Variants in ZFYVE1 observed in about 807,000 individuals in gnomAD.
ZFYVE1 encodes the protein zinc finger FYVE domain-containing protein 1.
ZFYVE1 carries 30 observed loss-of-function variants against 74.4 expected under a neutral mutation model. That is an observed-to-expected ratio of 0.40 (90% CI 0.30 to 0.55). The LOEUF (loss-of-function observed/expected upper bound fraction) is 0.55. Among genes scored for constraint, ZFYVE1 ranks in the 20% least tolerant of loss-of-function variants. The probability of loss-of-function intolerance (pLI) is 0.42; values close to 1 mark genes in which losing one functional copy is unlikely to be tolerated. For synonymous variants in ZFYVE1, 335 were observed against 385.1 expected, an observed-to-expected ratio of 0.87 and a Z score of 1.52; for missense variants, 703 against 1,011.6, an observed-to-expected ratio of 0.69 and a Z score of 4.14.
At chr14:72,977,827 C>A in intron 8 of ZFYVE1, 100 bp downstream of exon 8, 3 of 1,267,742 alleles carry the variant, frequency 2.4e-6, no homozygotes, top group Non-Finnish European at 3.3e-6. Flanking sequence ...TTCTGAAATT[C>A]ATGGTTAACC....
intron 11 of ZFYVE1, among the ~76,000 whole-genome samples, chr14:72,971,361 G>T (rs1239008285): frequency 2.0e-5 from 3 of 152,140 alleles, no homozygotes; most frequent in Admixed American, 6.5e-5. Flanking sequence ...TTTGGAGTCA[G>T]AGTCTCATTC....
At chr14:72,971,955 C>T (rs1893044271) in intron 11 of ZFYVE1, among the ~76,000 whole-genome samples, 1 of 152,282 alleles carries the variant, frequency 6.6e-6, no homozygotes, top group Admixed American at 6.5e-5. Flanking sequence ...GGCATGGTGG[C>T]TCACACCTAT....
At chr14:73,000,073 G>GATAAA (rs1337574563) in intron 2 of ZFYVE1, among the ~76,000 whole-genome samples, 2 of 151,270 alleles carry the variant, frequency 1.3e-5, no homozygotes, top group African/African-American at 4.9e-5. Flanking sequence ...AATAAAATAA[G>GATAAA]ATAAAATAAA....
intron 2 of ZFYVE1, among the ~76,000 whole-genome samples, chr14:73,009,047 C>A (rs4903091): frequency 6.6e-6 from 1 of 152,038 alleles, no homozygotes; most frequent in East Asian, 1.9e-4. Flanking sequence ...TGTTCACTAC[C>A]GTAACCTTAG....
intron 2 of ZFYVE1, among the ~76,000 whole-genome samples, chr14:73,006,194 T>C (rs952479130): frequency 6.6e-6 from 1 of 151,896 alleles, no homozygotes; most frequent in African/African-American, 2.4e-5. Context: ...CCTGGGATTG[T>C]AGGCGTGAGC....
intron 2 of ZFYVE1, among the ~76,000 whole-genome samples, chr14:73,009,291 T>A (rs913660104): frequency 6.6e-6 from 1 of 152,194 alleles, no homozygotes; most frequent in Non-Finnish European, 1.5e-5. Context: ...ATCTACTTCA[T>A]AGGATTTCTG....
At position 72,990,999 on chromosome 14, in the gene ZFYVE1, C is replaced by T. The variant is rs539123613; in HGVS notation, c.1203+2144G>A. On this transcript the variant is annotated intron_variant, in intron 4 of 11. Transcript: ENST00000556143. ...GATTACAGGCATGAGCCACCTCACC[C>T]GACAGACCAGGTTCATTTTAATCGC... Among the ~76,000 whole-genome samples, 6 of 152,090 alleles carry T rather than the reference C, an allele frequency of 3.9e-5. No individual in the cohort carries two copies. The East Asian group carries it at 9.7e-4, about 25-fold the overall frequency.
chr14:72,995,512 A>C (rs1893723684), intron 3 of ZFYVE1, among the ~76,000 whole-genome samples: 1 of 151,924 alleles, frequency 6.6e-6, no homozygotes, highest in Non-Finnish European at 1.5e-5. Context: ...GACTATAGGC[A>C]GAAGTCATCG....
intron 8 of ZFYVE1, among the ~76,000 whole-genome samples, chr14:72,977,011 G>A (rs1893189124): frequency 6.6e-6 from 1 of 152,180 alleles, no homozygotes; most frequent in African/African-American, 2.4e-5. Flanking sequence ...GTGATTTATG[G>A]ACAATGCTAA....
At chr14:73,005,292 C>T (rs1007030017) in intron 2 of ZFYVE1, among the ~76,000 whole-genome samples, 1 of 151,968 alleles carries the variant, frequency 6.6e-6, no homozygotes, top group African/African-American at 2.4e-5. Flanking sequence ...AGGAAGGGCC[C>T]AGGAAGGAAC....
chr14:72,988,457 G>A (rs895408811), intron 4 of ZFYVE1, among the ~76,000 whole-genome samples: 4 of 151,808 alleles, frequency 2.6e-5, no homozygotes, highest in East Asian at 3.9e-4. Flanking sequence ...TTACAGGCGT[G>A]AGCCACTGCA....
intron 2 of ZFYVE1, among the ~76,000 whole-genome samples, chr14:73,022,140 C>T (rs1003544741): frequency 5.3e-5 from 8 of 152,266 alleles, no homozygotes; most frequent in Middle Eastern, 3.4e-3. Context: ...CCAATTACAG[C>T]GTAATCCATA....
At chr14:73,001,984 T>G (rs568487022) in intron 2 of ZFYVE1, among the ~76,000 whole-genome samples, 15 of 152,164 alleles carry the variant, frequency 9.9e-5, no homozygotes, top group Admixed American at 4.6e-4. Flanking sequence ...GAATACAAAT[T>G]TCACTGTTAC....
At chr14:72,992,121 C>G (rs191330266) in intron 4 of ZFYVE1, among the ~76,000 whole-genome samples, 151 of 152,118 alleles carry the variant, frequency 9.9e-4, no homozygotes, top group African/African-American at 8.0e-4. Flanking sequence ...GTTGGCCAGG[C>G]TAGTCTCAAA....
At chr14:72,983,391 C>G (rs61630760) in intron 4 of ZFYVE1, among the ~76,000 whole-genome samples, 1,685 of 144,244 alleles carry the variant, frequency 0.012, 37 homozygotes, top group African/African-American at 0.041. Flanking sequence ...ATGTTCCCCC[C>G]CTTCCTGTGT....
rs1043380873 is a variant in ZFYVE1, at chr14:72,969,590, G to A, written c.*1292C>T. 104 of 650,420 alleles carry A rather than the reference G, an allele frequency of 1.6e-4. No individual in the cohort carries two copies. The Admixed American group carries it at 2.4e-3, about 15-fold the overall frequency. The allele number at this position is 650,420 out of a possible 1,614,324, so 40.3% of individuals were successfully genotyped here. On this transcript the variant is annotated 3_prime_UTR_variant, in exon 12 of 12. Coordinates refer to ENST00000556143, the MANE Select transcript of ZFYVE1 (RefSeq NM_021260.4). ...CAGGGCTCATGTCACACCGATAGGC[G>A]CACCAGGAATGACCGCCATATACTT...
rs1013484943 is a variant in ZFYVE1, at chr14:72,987,038, A to T, written c.1204-5143T>A. 4 of 894,426 alleles carry T rather than the reference A, an allele frequency of 4.5e-6. No homozygotes were observed. The African/African-American group carries it at 7.2e-5, about 16-fold the overall frequency. 55.4% of individuals were successfully genotyped at this position (894,426 alleles called of 1,614,324 possible). On this transcript the variant is annotated intron_variant, in intron 4 of 11. Transcript: ENST00000556143. ...GAAAAGGTTGCCTGGAGACCAGATG[A>T]TCTTGAACTTTAGTTGCCTTGACAA...
chr14:72,999,156 C>T (rs555515403), intron 2 of ZFYVE1, among the ~76,000 whole-genome samples: 110 of 152,032 alleles, frequency 7.2e-4, no homozygotes, highest in African/African-American at 2.3e-3. Flanking sequence ...AGGCCGGGTG[C>T]GGTGGCTCAC....
chr14:72,992,521 C>A (rs555794214), intron 4 of ZFYVE1, among the ~76,000 whole-genome samples: 178 of 151,272 alleles, frequency 1.2e-3, no homozygotes, highest in African/African-American at 4.2e-3. Context: ...GTACTCTGAA[C>A]TTTGGTATAT....
Sources: gnomAD v4.1 joint callset for allele counts (sites outside exome capture counted in the v4.1 genomes callset) on GRCh38, gnomAD v4.1.1 for gene constraint, MANE v1.5 for transcripts, NCBI Gene and HGNC (gene_info 2026-07-23, HGNC 2026-07-21) for gene names.